Variants in TBL1XR1 observed in about 807,000 individuals in gnomAD.
TBL1XR1 encodes F-box-like/WD repeat-containing protein TBL1XR1.
In TBL1XR1, 5 loss-of-function variants were observed where a neutral mutation model predicts 66.9. That is an observed-to-expected ratio of 0.07 (90% CI 0.04 to 0.16). TBL1XR1 has a LOEUF of 0.16. Among genes scored for constraint, TBL1XR1 ranks in the 10% least tolerant of loss-of-function variants. The pLI is 1.00. For missense variants in TBL1XR1, 238 were observed against 623.2 expected (o/e 0.38, Z 6.58); for synonymous variants, 210 against 206.0 (o/e 1.02, Z -0.17).
chr3:177,149,737 C>T (rs550456506), intron 1 of TBL1XR1, among the ~76,000 whole-genome samples: 31 of 152,130 alleles, frequency 2.0e-4, no homozygotes, highest in Admixed American at 1.2e-3. Context: ...GGGGACACAA[C>T]GCGACTGTGA....
intron 1 of TBL1XR1, among the ~76,000 whole-genome samples, chr3:177,168,054 G>C (rs969165259): frequency 5.3e-5 from 8 of 152,118 alleles, no homozygotes; most frequent in Non-Finnish European, 1.0e-4. Context: ...AAAACTTTCA[G>C]CATCTTTTCA....
At chr3:177,135,068 T>G (rs1342214141) in intron 1 of TBL1XR1, among the ~76,000 whole-genome samples, 2 of 151,222 alleles carry the variant, frequency 1.3e-5, no homozygotes, top group Non-Finnish European at 2.9e-5. Context: ...AATGATGCCA[T>G]CTCTGCTCAC....
intron 2 of TBL1XR1, among the ~76,000 whole-genome samples, chr3:177,071,031 G>GTTTTTGTTTTTTTTTTTT (rs1719916058): frequency 2.9e-5 from 3 of 104,712 alleles, no homozygotes; most frequent in African/African-American, 1.2e-4. Flanking sequence ...CTGAGAATCT[G>GTTTTTGTTTTTTTTTTTT]TTTTTTTTTT....
rs1038436810 is a variant in TBL1XR1, at chr3:177,123,211, CAAGA to C, written c.-121-24674_-121-24671del. ...TTTTTTTAAAAATGTACAGTAACTTCAAGAGAGAACTCATATCATACTAAAAACA... is the reference window on the plus strand; with the variant it reads ...TTTTTTTAAAAATGTACAGTAACTTCGAGAACTCATATCATACTAAAAACA... On this transcript the variant is annotated intron_variant, in intron 1 of 15. Transcript: ENST00000457928. 1.6e-4 allele frequency among the ~76,000 whole-genome samples: 24 copies of C among 152,040 alleles called. No individual in the cohort carries two copies. In the East Asian group the frequency reaches 2.1e-3, roughly 13 times the overall value.
At chr3:177,201,006 C>CA (rs956066738), upstream of TBL1XR1, among the ~76,000 whole-genome samples, 59 of 140,182 alleles carry the variant, frequency 4.2e-4, no homozygotes, top group Non-Finnish European at 5.0e-4. Context: ...GACTCCGTCT[C>CA]AAAAAAAAAA....
At chr3:177,162,454 A>C (rs1175885362) in intron 1 of TBL1XR1, among the ~76,000 whole-genome samples, 1 of 152,248 alleles carries the variant, frequency 6.6e-6, no homozygotes, top group African/African-American at 2.4e-5. Flanking sequence ...ATTTTAAAAA[A>C]TCATAGGCAC....
At chr3:177,140,823 C>CTTTTGATTTGAGTTTGA (rs1323144872) in intron 1 of TBL1XR1, among the ~76,000 whole-genome samples, 22 of 152,090 alleles carry the variant, frequency 1.4e-4, no homozygotes, top group African/African-American at 5.3e-4. Context: ...GGTTCAAAAT[C>CTTTTGATTTGAGTTTGA]ACGTAGTTGC....
intron 14 of TBL1XR1, chr3:177,027,246 AC>A (rs1469477618): frequency 6.6e-6 from 1 of 152,196 alleles, no homozygotes; most frequent in African/African-American, 2.4e-5. Flanking sequence ...CAATCCACCC[AC>A]CCTGGCCTCC....
Position 177,022,509 on chromosome 3 carries a change from T to C in TBL1XR1, c.*2989A>G, listed in dbSNP as rs1251401597. 6.6e-6 allele frequency: 1 copy of C among 152,580 alleles called. No homozygotes were observed. Among genetic ancestry groups the C allele is most frequent in the Non-Finnish European group, 1.5e-5 (1 of 67,974 alleles). The allele number at this position is 152,580 out of a possible 1,614,324, so 9.5% of individuals were successfully genotyped here. A position where few individuals can be genotyped will look rare whatever the true frequency, so the allele number is the denominator to read the frequency against. On this transcript the variant is annotated 3_prime_UTR_variant, in exon 16 of 16. Transcript: ENST00000457928. ...AGACAAAAAAAGATATTCCTTTATG[T>C]TGTTTAAAAGTGGCAGCTGCTCTTT...
chr3:177,058,363 A>G (rs978162389), intron 3 of TBL1XR1, among the ~76,000 whole-genome samples: 1 of 152,220 alleles, frequency 6.6e-6, no homozygotes, highest in Non-Finnish European at 1.5e-5. Context: ...TTGTTATTGA[A>G]GAGCTAGATC....
chr3:177,153,407 T>C (rs1286670956), intron 1 of TBL1XR1, among the ~76,000 whole-genome samples: 2 of 152,296 alleles, frequency 1.3e-5, no homozygotes, highest in South Asian at 4.1e-4. Context: ...TATAAGACTT[T>C]TCATTTCAAA....
intron 1 of TBL1XR1, among the ~76,000 whole-genome samples, chr3:177,151,518 T>A (rs184749276): frequency 2.0e-5 from 3 of 152,166 alleles, no homozygotes; most frequent in Non-Finnish European, 4.4e-5. Context: ...TATGAGAATC[T>A]AACTAATGCC....
rs745404843 is a variant in TBL1XR1, at chr3:177,053,823, T to C, written c.154A>G (p.Ile52Val). Residue 52 changes from isoleucine (I) to valine (V), a missense_variant, in exon 4 of 16, where the codon ATC becomes GTC. By Grantham distance (29) the Ile-to-Val change is conservative. This residue lies in a region of TBL1XR1 where 9 missense variants were observed against 87.4 expected (regional missense o/e 0.10). Transcript: ENST00000457928. ...ALVPPAALIS[I>V]IQKGLQYVEA... is the part of the protein sequence containing the mutation. Reference sequence around the variant, plus strand: ...ACATACTGTAGACCTTTCTGGATGATAGAAATCAATGCAGCGGGTGGGACG... The same window carrying C: ...ACATACTGTAGACCTTTCTGGATGACAGAAATCAATGCAGCGGGTGGGACG... 7 of 1,613,504 alleles carry C rather than the reference T, an allele frequency of 4.3e-6. No homozygotes were observed. Among genetic ancestry groups the C allele is most frequent in the East Asian group, 2.2e-5 (1 of 44,878 alleles).
intron 1 of TBL1XR1, among the ~76,000 whole-genome samples, chr3:177,119,078 TCTC>T (rs1726667416): frequency 6.6e-6 from 1 of 152,110 alleles, no homozygotes; most frequent in African/African-American, 2.4e-5. Context: ...TTCAAGCACT[TCTC>T]CTGCCTCAGC....
chr3:177,193,640 T>TTCAGCACAATGATATGAGTTC (rs1203184954), intron 1 of TBL1XR1, among the ~76,000 whole-genome samples: 8 of 152,176 alleles, frequency 5.3e-5, no homozygotes, highest in Non-Finnish European at 1.0e-4. Flanking sequence ...TGCTAGGGAA[T>TTCAGCACAATGATATGAGTTC]TCAGCACAAT....
chr3:177,112,468 C>T (rs1725773787), intron 1 of TBL1XR1, among the ~76,000 whole-genome samples: 2 of 151,966 alleles, frequency 1.3e-5, no homozygotes, highest in Admixed American at 6.6e-5. Flanking sequence ...TAAAGAAAAG[C>T]TGTCTCATTC....
At chr3:177,164,703 G>C (rs569510374) in intron 1 of TBL1XR1, among the ~76,000 whole-genome samples, 1 of 152,290 alleles carries the variant, frequency 6.6e-6, no homozygotes, top group South Asian at 2.1e-4. Context: ...TAAATGGAAA[G>C]ATGTCTCATG....
chr3:177,145,612 T>A (rs190969831), intron 1 of TBL1XR1, among the ~76,000 whole-genome samples: 1 of 152,220 alleles, frequency 6.6e-6, no homozygotes, highest in African/African-American at 2.4e-5. Flanking sequence ...AAGGTAACCA[T>A]GTACTTGAAA....
chr3:177,115,848 AAAG>A (rs1284117588), intron 1 of TBL1XR1, among the ~76,000 whole-genome samples: 3 of 152,158 alleles, frequency 2.0e-5, no homozygotes, highest in African/African-American at 7.2e-5. Flanking sequence ...AATTTTCTTC[AAAG>A]CAGCAACAGG....
Sources: gnomAD v4.1 joint callset for allele counts (sites outside exome capture counted in the v4.1 genomes callset) on GRCh38, gnomAD v4.1.1 for gene constraint, gnomAD v4.1.1 regional missense constraint, MANE v1.5 for transcripts, NCBI Gene and HGNC (gene_info 2026-07-23, HGNC 2026-07-21) for gene names.